The following ATF6 variants were observed in gnomAD, a reference collection of about 807,000 sequenced individuals.
The protein encoded by ATF6 is cyclic AMP-dependent transcription factor ATF-6 alpha.
ATF6 carries 53 observed loss-of-function variants against 83.6 expected under a neutral mutation model. That is an observed-to-expected ratio of 0.63 (90% confidence interval 0.51 to 0.80). The LOEUF is 0.80. Ranked by LOEUF, ATF6 falls within the 30% of genes least tolerant of loss-of-function variation. ATF6 has a pLI of 0.00. For synonymous variants in ATF6, 288 were observed against 285.8 expected (o/e 1.01, Z -0.08); for missense variants, 744 against 797.9 (o/e 0.93, Z 0.81).
intron 14 of ATF6, among the ~76,000 whole-genome samples, chr1:161,909,047 A>G (rs891856829): frequency 6.6e-6 from 1 of 152,242 alleles, no homozygotes; most frequent in African/African-American, 2.4e-5. Flanking sequence ...CAGATTTATA[A>G]TTTAACTAGT....
intron 7 of ATF6, among the ~76,000 whole-genome samples, chr1:161,811,583 G>A (rs1183606873): frequency 6.6e-6 from 1 of 152,170 alleles, no homozygotes; most frequent in Non-Finnish European, 1.5e-5. Context: ...AAATAGTACA[G>A]AGAACACCCA....
intron 14 of ATF6, among the ~76,000 whole-genome samples, chr1:161,901,652 C>T: frequency 6.6e-6 from 1 of 152,022 alleles, no homozygotes; most frequent in East Asian, 1.9e-4. Flanking sequence ...AAAATCTACC[C>T]TCATGCAGGT....
At chr1:161,826,711 A>G (rs1685909102) in intron 9 of ATF6, among the ~76,000 whole-genome samples, 1 of 152,172 alleles carries the variant, frequency 6.6e-6, no homozygotes, top group Non-Finnish European at 1.5e-5. Context: ...ACAAGTCAGA[A>G]TATCTTTGAC....
intron 14 of ATF6, among the ~76,000 whole-genome samples, chr1:161,896,127 T>G (rs1359935369): frequency 1.3e-5 from 2 of 152,166 alleles, no homozygotes; most frequent in Non-Finnish European, 2.9e-5. Flanking sequence ...GATAGATAGA[T>G]GTATTTGTCT....
intron 4 of ATF6, among the ~76,000 whole-genome samples, chr1:161,787,990 T>C (rs921735724): frequency 6.6e-6 from 1 of 152,230 alleles, no homozygotes; most frequent in African/African-American, 2.4e-5. Flanking sequence ...CATTCAAGTA[T>C]GCATTCACTA....
At chr1:161,829,832 C>G (rs547310397) in intron 9 of ATF6, among the ~76,000 whole-genome samples, 3 of 152,160 alleles carry the variant, frequency 2.0e-5, no homozygotes, top group Non-Finnish European at 2.9e-5. Flanking sequence ...TTATGACAAA[C>G]CCACAGCCAA....
chr1:161,779,394 T>G (rs1684586453), intron 2 of ATF6, among the ~76,000 whole-genome samples: 1 of 152,264 alleles, frequency 6.6e-6, no homozygotes. Context: ...TTTCAGTTCC[T>G]TAGTTTTTCT....
At chr1:161,915,948 C>T (rs1688089609) in intron 15 of ATF6, among the ~76,000 whole-genome samples, 1 of 152,158 alleles carries the variant, frequency 6.6e-6, no homozygotes, top group Non-Finnish European at 1.5e-5. Context: ...TTACTGTTAC[C>T]TCTGGTGTAG....
chr1:161,831,910 G>A (rs1008689524), intron 9 of ATF6, among the ~76,000 whole-genome samples: 35 of 150,398 alleles, frequency 2.3e-4, no homozygotes, highest in African/African-American at 7.3e-4. Context: ...AAACCTGCAC[G>A]TTGTGCACAT....
At chr1:161,792,033 T>C (rs755915432) in intron 5 of ATF6, 91 bp from the exon 6 acceptor site, 1 of 1,032,370 alleles carries the variant, frequency 9.7e-7, no homozygotes, top group Non-Finnish European at 1.5e-6. Flanking sequence ...GTTAAGATAA[T>C]GTGTAGAGAA....
intron 15 of ATF6, among the ~76,000 whole-genome samples, chr1:161,929,153 G>A (rs1446712609): frequency 6.6e-6 from 1 of 152,146 alleles, no homozygotes; most frequent in Non-Finnish European, 1.5e-5. Flanking sequence ...ACATTTGTTA[G>A]CTACTTTTTA....
chr1:161,950,047 A>G (rs1688831281), intron 15 of ATF6, among the ~76,000 whole-genome samples: 2 of 152,216 alleles, frequency 1.3e-5, no homozygotes, highest in African/African-American at 4.8e-5. Flanking sequence ...GATCTCAATC[A>G]TTTTAACTTA....
intron 14 of ATF6, among the ~76,000 whole-genome samples, chr1:161,892,781 G>A (rs1394743953): frequency 6.6e-6 from 1 of 151,858 alleles, no homozygotes; most frequent in Non-Finnish European, 1.5e-5. Context: ...GGGACTACAG[G>A]CGCATGCCAC....
rs966140150 is a variant in ATF6 at position 161,817,473 on chromosome 1, C to T, written c.910-2160C>T. On this transcript the variant is annotated intron_variant, in intron 7 of 15. Coordinates refer to ENST00000367942, the MANE Select transcript of ATF6 (RefSeq NM_007348.4). ...GAATAGTTTGCATTTGGTGAATAATCAATCCATCATGGCTTTGCCATTGCT... is the reference window on the plus strand; with the variant it reads ...GAATAGTTTGCATTTGGTGAATAATTAATCCATCATGGCTTTGCCATTGCT... Among the ~76,000 whole-genome samples, 5 of 152,176 alleles carry T rather than the reference C, an allele frequency of 3.3e-5. No individual in the cohort carries two copies. The East Asian group carries it at 9.7e-4, about 29-fold the overall frequency.
intron 15 of ATF6, among the ~76,000 whole-genome samples, chr1:161,926,159 A>G (rs1430361101): frequency 6.6e-6 from 1 of 152,200 alleles, no homozygotes; most frequent in Non-Finnish European, 1.5e-5. Context: ...AGAGGGGATT[A>G]TGCTTTTATA....
chr1:161,835,229 G>GT (rs962879020), intron 9 of ATF6, among the ~76,000 whole-genome samples: 3 of 152,086 alleles, frequency 2.0e-5, no homozygotes, highest in African/African-American at 7.2e-5. Context: ...ATTTAAAAAA[G>GT]TTTTTTTGAA....
intron 12 of ATF6, among the ~76,000 whole-genome samples, chr1:161,855,950 A>G (rs2101831213): frequency 6.6e-6 from 1 of 152,298 alleles, no homozygotes; most frequent in South Asian, 2.1e-4. Flanking sequence ...AAGTGAAGAA[A>G]ATTATTTCAG....
At chr1:161,940,793 A>G (rs1263891201) in intron 15 of ATF6, among the ~76,000 whole-genome samples, 2 of 151,756 alleles carry the variant, frequency 1.3e-5, no homozygotes, top group African/African-American at 4.8e-5. Flanking sequence ...CGATCTCTTG[A>G]CCTTGTGATC....
At chr1:161,957,160 T>C (rs914407614) in intron 15 of ATF6, among the ~76,000 whole-genome samples, 2 of 130,312 alleles carry the variant, frequency 1.5e-5, no homozygotes, top group African/African-American at 2.7e-5. Context: ...CTTGGCATGC[T>C]CAGTGTCAAA....
Sources: gnomAD v4.1 joint callset for allele counts (sites outside exome capture counted in the v4.1 genomes callset) on GRCh38, gnomAD v4.1.1 for gene constraint, MANE v1.5 for transcripts, NCBI Gene and HGNC (gene_info 2026-07-23, HGNC 2026-07-21) for gene names.